Variants in PCDHGA9 observed in about 807,000 individuals in gnomAD.
PCDHGA9 encodes protocadherin gamma subfamily A, 9.
Under a neutral mutation model 62.5 loss-of-function variants are expected in PCDHGA9, and 37 were observed. The observed-to-expected ratio is 0.59, with a 90% confidence interval of 0.46 to 0.78. The LOEUF (loss-of-function observed/expected upper bound fraction) is 0.78, where lower values mean the gene tolerates loss of function less well. Among genes scored for constraint, PCDHGA9 ranks in the 30% least tolerant of loss-of-function variants. The pLI, the probability that PCDHGA9 is intolerant of heterozygous loss-of-function variation, is 0.00. For synonymous variants in PCDHGA9, 459 were observed against 484.6 expected, an observed-to-expected ratio of 0.95 and a Z score of 0.69; for missense variants, 1,138 against 1,166.2, an observed-to-expected ratio of 0.98 and a Z score of 0.35.
chr5:141,427,883 C>G (rs2097084423), intron 1 of PCDHGA9: 3 of 1,563,818 alleles, frequency 1.9e-6, no homozygotes, highest in Non-Finnish European at 1.7e-6. Flanking sequence ...TGCAGGCCCA[C>G]GACCAGGGCT....
At chr5:141,436,394 T>C (rs781428769) in intron 1 of PCDHGA9, among the ~76,000 whole-genome samples, 15 of 152,216 alleles carry the variant, frequency 9.9e-5, no homozygotes, top group Non-Finnish European at 1.9e-4. Flanking sequence ...CTTTATTAAA[T>C]AGTTGTTGAA....
chr5:141,408,865 A>T (rs765751172), intron 1 of PCDHGA9: 9 of 1,613,684 alleles, frequency 5.6e-6, no homozygotes, highest in Admixed American at 1.7e-5. Flanking sequence ...GGGACCCACC[A>T]AGAAGTGCCA....
chr5:141,473,269 A>G (rs2099318337), intron 1 of PCDHGA9, among the ~76,000 whole-genome samples: 1 of 152,208 alleles, frequency 6.6e-6, no homozygotes. Flanking sequence ...AGTGTATGCT[A>G]TGATTATTTT....
chr5:141,477,469 T>C lies in PCDHGA9; in HGVS notation c.2425-17338T>C, dbSNP rs2099411540. ...TGCGTGTTCAAGTGTCCGACATCAA[T>C]GACAACCCTCCACAATCTTCTCAAT... On this transcript the variant is annotated intron_variant, in intron 1 of 3. Coordinates refer to ENST00000573521, the MANE Select transcript of PCDHGA9 (RefSeq NM_018921.3). The surrounding 1 kb of genome is among the most constrained non-coding windows in gnomAD (Gnocchi z 4.9). 6.2e-7 allele frequency: 1 copy of C among 1,614,028 alleles called. No homozygotes were observed. Among genetic ancestry groups the C allele is most frequent in the South Asian group, 1.1e-5 (1 of 91,078 alleles).
At chr5:141,469,548 C>A (rs2099204726) in intron 1 of PCDHGA9, among the ~76,000 whole-genome samples, 1 of 152,212 alleles carries the variant, frequency 6.6e-6, no homozygotes, top group East Asian at 1.9e-4. Context: ...GCACTCCAGC[C>A]TGGCGACAGA....
intron 1 of PCDHGA9, chr5:141,478,595 T>A: frequency 6.4e-7 from 1 of 1,567,880 alleles, no homozygotes; most frequent in Non-Finnish European, 8.7e-7. Flanking sequence ...TTTTTATTCC[T>A]ACATCATATT....
At chr5:141,413,592 A>G in intron 1 of PCDHGA9, 1 of 1,613,916 alleles carries the variant, frequency 6.2e-7, no homozygotes, top group Non-Finnish European at 8.5e-7. Context: ...AATTCCAAGC[A>G]GAAAATCTAG....
rs750804901 is a variant in PCDHGA9 at position 141,476,422 on chromosome 5, C to G, written c.2425-18385C>G. On this transcript the variant is annotated intron_variant, in intron 1 of 3. Coordinates refer to ENST00000573521, the MANE Select transcript of PCDHGA9 (RefSeq NM_018921.3). The surrounding 1 kb of genome is among the most constrained non-coding windows in gnomAD (Gnocchi z 7.6). ...GAGAGGAGCTGTGTGGGACACTGCC[C>G]TCTTGCACTGTAACTCTGGAGTTGG... 17 of 1,614,026 alleles carry G rather than the reference C, an allele frequency of 1.1e-5. No individual in the cohort carries two copies. The highest frequency in any genetic ancestry group is 1.4e-5 in the Non-Finnish European group (17 of 1,180,030).
intron 1 of PCDHGA9, chr5:141,427,774 G>C: frequency 7.0e-7 from 1 of 1,420,908 alleles, no homozygotes; most frequent in Non-Finnish European, 9.8e-7. Context: ...TTGGAGCTGC[G>C]GGCACTGTCG....
At chr5:141,481,240 T>G (rs1323124277) in intron 1 of PCDHGA9, among the ~76,000 whole-genome samples, 1 of 152,208 alleles carries the variant, frequency 6.6e-6, no homozygotes, top group Non-Finnish European at 1.5e-5. Flanking sequence ...AAGTATTACA[T>G]AGCATAGCTC....
rs950164698 is a variant in PCDHGA9, at chr5:141,423,459, G to A, written c.2424+18083G>A. ...TGCCCACGTCACATTTTGTAGGCGT[G>A]GACGGGGTACAGGCTTTCCTGCAAA... On this transcript the variant is annotated intron_variant, in intron 1 of 3. Coordinates refer to ENST00000573521, the MANE Select transcript of PCDHGA9 (RefSeq NM_018921.3). 4.3e-6 allele frequency: 7 copies of A among 1,614,006 alleles called. No individual in the cohort carries two copies. In the South Asian group the frequency reaches 6.6e-5, roughly 15 times the overall value.
In PCDHGA9 at chr5:141,430,383, GAA is replaced by G. The variant is rs139772145; in HGVS notation, c.2424+25019_2424+25020del. Among the ~76,000 whole-genome samples the G allele has an allele frequency of 1.3e-3, 180 of 138,574 alleles. 1 individual carries two copies. Among genetic ancestry groups the G allele is most frequent in the African/African-American group, 4.5e-3 (169 of 37,858 alleles). 90.9% of individuals were successfully genotyped at this position (138,574 alleles called of 152,430 possible). A position where few individuals can be genotyped will look rare whatever the true frequency, so the allele number is the denominator to read the frequency against. On this transcript the variant is annotated intron_variant, in intron 1 of 3. Coordinates refer to ENST00000573521, the MANE Select transcript of PCDHGA9 (RefSeq NM_018921.3). ...CATTGGGGAAAAAAAAGCTCATTGG[GAA>G]AAAAAAAAAAAGCTCACTAAAGTTT...
At position 141,477,115 on chromosome 5, in the gene PCDHGA9, A is replaced by T. The variant is rs1218111107; in HGVS notation, c.2425-17692A>T. On this transcript the variant is annotated intron_variant, in intron 1 of 3. Coordinates refer to ENST00000573521, the MANE Select transcript of PCDHGA9 (RefSeq NM_018921.3). The surrounding 1 kb of genome is among the most constrained non-coding windows in gnomAD (Gnocchi z 4.9). Reference sequence around the variant, plus strand: ...AAGACAAGGGCGCCAATCCCGAAGGAGCACATTGCAAAGTGTTGGTGGAGG... The same window carrying T: ...AAGACAAGGGCGCCAATCCCGAAGGTGCACATTGCAAAGTGTTGGTGGAGG... The T allele has an allele frequency of 6.2e-7, 1 of 1,614,230 alleles. No individual in the cohort carries two copies. Among genetic ancestry groups the T allele is most frequent in the Non-Finnish European group, 8.5e-7 (1 of 1,180,038 alleles).
intron 1 of PCDHGA9, among the ~76,000 whole-genome samples, chr5:141,456,381 G>T (rs1296419395): frequency 6.6e-6 from 1 of 152,110 alleles, no homozygotes; most frequent in Admixed American, 6.6e-5. Context: ...TTACAGCACC[G>T]TTTGGAGTTT....
At position 141,487,736 on chromosome 5, in the gene PCDHGA9, G is replaced by C; in HGVS notation, c.2425-7071G>C. On this transcript the variant is annotated intron_variant, in intron 1 of 3. Transcript: ENST00000573521. The surrounding 1 kb of genome is among the most constrained non-coding windows in gnomAD (Gnocchi z 5.0). Reference sequence around the variant, plus strand: ...TGCCCATAGTGATGTCACCATTTTTGTAAGAGGTAACTATGTGGTAGACGC... The same window carrying C: ...TGCCCATAGTGATGTCACCATTTTTCTAAGAGGTAACTATGTGGTAGACGC... 1 of 1,563,758 alleles carries C rather than the reference G, an allele frequency of 6.4e-7. No homozygotes were observed.
Position 141,491,287 on chromosome 5 carries a change from C to T in PCDHGA9, c.2425-3520C>T, listed in dbSNP as rs1562145447. 2 of 1,614,030 alleles carry T rather than the reference C, an allele frequency of 1.2e-6. No homozygotes were observed. Among genetic ancestry groups the T allele is most frequent in the Admixed American group, 1.7e-5 (1 of 60,032 alleles). On this transcript the variant is annotated intron_variant, in intron 1 of 3. Coordinates refer to ENST00000573521, the MANE Select transcript of PCDHGA9 (RefSeq NM_018921.3). The surrounding 1 kb of genome is among the most constrained non-coding windows in gnomAD (Gnocchi z 6.9). ...GCCCAAATCCAGTGACTTCCTCATA[C>T]ACCCTCCTGAGCGTTCAGACCTTAC... is the stretch of plus-strand genomic sequence containing the variant.
intron 2 of PCDHGA9, among the ~76,000 whole-genome samples, chr5:141,500,508 C>T (rs2099801020): frequency 6.6e-6 from 1 of 152,078 alleles, no homozygotes; most frequent in African/African-American, 2.4e-5. Context: ...CGCGCCTGGC[C>T]GAGCTTCATT....
chr5:141,403,961 G>T lies in PCDHGA9; in HGVS notation c.1009G>T (p.Val337Leu), dbSNP rs763967342. The change falls in exon 1 of 4, where the codon GTG (valine) becomes TTG (leucine). Residue 337 changes from valine (V) to leucine (L), a missense_variant. By Grantham distance (32) the Val-to-Leu change is conservative. Transcript: ENST00000573521. ...LKGWTKVLISVEDVNDNRPEV... is the reference protein window; with the variant it reads ...LKGWTKVLISLEDVNDNRPEV... Reference sequence around the variant, plus strand: ...AGGGTGGACAAAAGTGCTCATTTCGGTGGAAGATGTAAATGACAATAGACC... The same window carrying T: ...AGGGTGGACAAAAGTGCTCATTTCGTTGGAAGATGTAAATGACAATAGACC... 14 of 1,613,774 alleles carry T rather than the reference G, an allele frequency of 8.7e-6. No individual in the cohort carries two copies. The highest frequency in any genetic ancestry group is 1.6e-4 in the Middle Eastern group (1 of 6,082).
At chr5:141,415,809 CTA>C in intron 1 of PCDHGA9, 1 of 1,346,328 alleles carries the variant, frequency 7.4e-7, no homozygotes, top group Non-Finnish European at 9.5e-7. Flanking sequence ...CAATCAAGGC[CTA>C]TATATCATAA....
Sources: gnomAD v4.1 joint callset for allele counts (sites outside exome capture counted in the v4.1 genomes callset) on GRCh38, gnomAD v4.1.1 for gene constraint, Gnocchi (gnomAD v3.1) non-coding constraint, MANE v1.5 for transcripts, NCBI Gene and HGNC (gene_info 2026-07-23, HGNC 2026-07-21) for gene names.